NSG2: variants seen among roughly 807,000 people sequenced by gnomAD.
NSG2 encodes the protein neuronal vesicle trafficking associated 2.
In NSG2, 4 loss-of-function variants were observed where a neutral mutation model predicts 16.9. The observed-to-expected ratio is 0.24, with a 90% CI of 0.12 to 0.54. NSG2 has a LOEUF of 0.54. Ranked by LOEUF, NSG2 falls within the 20% of genes least tolerant of loss-of-function variation. The pLI, the probability that NSG2 is intolerant of heterozygous loss-of-function variation, is 0.95. For missense variants in NSG2, 179 were observed against 221.1 expected (o/e 0.81, Z 1.21); for synonymous variants, 98 against 88.7 (o/e 1.11, Z -0.59).
rs575055452 is a variant in NSG2, at chr5:174,080,806, G to A, written c.213+16491G>A. ...TTAAATTCCTGATCTCAGGTGATCC[G>A]CCCGCCTTGGTCTCCCAAAGTGCTA... On this transcript the variant is annotated intron_variant, in intron 3 of 4. Transcript: ENST00000303177. 6.1e-4 allele frequency among the ~76,000 whole-genome samples: 93 copies of A among 152,024 alleles called. 1 individual carries two copies. In the South Asian group the frequency reaches 0.019, roughly 31 times the overall value.
At chr5:174,080,843 G>C (rs1027551234) in intron 3 of NSG2, among the ~76,000 whole-genome samples, 6 of 152,144 alleles carry the variant, frequency 3.9e-5, no homozygotes, top group Non-Finnish European at 8.8e-5. Context: ...GATTACAGAT[G>C]TGAGCCACCA....
Position 174,090,025 on chromosome 5 carries a change from A to G in NSG2, c.214-14203A>G, listed in dbSNP as rs545839180. ...TAAGGCACAGGGTCCCCAGTAAAGC[A>G]TAGCTCGTTACAAGTTTGACTCTGA... On this transcript the variant is annotated intron_variant, in intron 3 of 4. Coordinates refer to ENST00000303177, the MANE Select transcript of NSG2 (RefSeq NM_015980.5). 4.6e-5 allele frequency among the ~76,000 whole-genome samples: 7 copies of G among 152,278 alleles called. No individual in the cohort carries two copies. The South Asian group carries it at 1.5e-3, about 32-fold the overall frequency.
At chr5:174,049,334 T>C (rs529072393) in intron 2 of NSG2, among the ~76,000 whole-genome samples, 16 of 151,554 alleles carry the variant, frequency 1.1e-4, no homozygotes, top group African/African-American at 3.6e-4. Context: ...AGCGAGACAC[T>C]GTCTCAAAAC....
At chr5:174,101,708 G>A (rs925570790) in intron 3 of NSG2, among the ~76,000 whole-genome samples, 3 of 152,138 alleles carry the variant, frequency 2.0e-5, no homozygotes, top group Non-Finnish European at 2.9e-5. Context: ...ATGGAAATTT[G>A]GGCTGTTTCT....
chr5:174,085,979 A>ATAT (rs1377745126), intron 3 of NSG2, among the ~76,000 whole-genome samples: 2 of 152,232 alleles, frequency 1.3e-5, no homozygotes, highest in African/African-American at 2.4e-5. Context: ...TGCTCAATGA[A>ATAT]TATTAGGTCC....
Position 174,107,807 on chromosome 5 carries a change from G to C in NSG2, c.*302G>C, listed in dbSNP as rs1396086738. ...AAAGCCACTGCTTATTCTTTGTTAG[G>C]AAAATGTAACAGCAGAAAAGGAAAG... On this transcript the variant is annotated 3_prime_UTR_variant, in exon 5 of 5. Transcript: ENST00000303177. The surrounding 1 kb of genome is among the most constrained non-coding windows in gnomAD (Gnocchi z 4.5). 8.9e-6 allele frequency: 5 copies of C among 561,998 alleles called. No homozygotes were observed. Among genetic ancestry groups the C allele is most frequent in the Middle Eastern group, 5.4e-4 (2 of 3,704 alleles). The allele number at this position is 561,998 out of a possible 1,614,324, so 34.8% of individuals were successfully genotyped here. A position where few individuals can be genotyped will look rare whatever the true frequency, so the allele number is the denominator to read the frequency against.
intron 3 of NSG2, among the ~76,000 whole-genome samples, chr5:174,088,083 T>C (rs1760661654): frequency 6.6e-6 from 1 of 152,224 alleles, no homozygotes; most frequent in Non-Finnish European, 1.5e-5. Context: ...AGAGGATCTT[T>C]ACAGGAATTC....
At chr5:174,053,042 T>C (rs1759917094) in intron 2 of NSG2, among the ~76,000 whole-genome samples, 1 of 152,176 alleles carries the variant, frequency 6.6e-6, no homozygotes, top group East Asian at 1.9e-4. Context: ...ATGGCATGCT[T>C]TAAATTTTGC....
At position 174,107,287 on chromosome 5, in the gene NSG2, C is replaced by A. The variant is rs750833005; in HGVS notation, c.325-27C>A. The A allele has an allele frequency of 1.3e-6, 2 of 1,527,594 alleles. No individual in the cohort carries two copies. Among genetic ancestry groups the A allele is most frequent in the Admixed American group, 3.9e-5 (2 of 50,640 alleles). 94.6% of individuals were successfully genotyped at this position (1,527,594 alleles called of 1,614,324 possible). ...GGTTGGGAGCAGTTTGCTGAATGAC[C>A]CCTGACTCTGTCTCTTTCTTCCCCA... On this transcript the variant is annotated intron_variant, in intron 4 of 4. Transcript: ENST00000303177. The surrounding 1 kb of genome is among the most constrained non-coding windows in gnomAD (Gnocchi z 4.5).
intron 3 of NSG2, among the ~76,000 whole-genome samples, chr5:174,097,084 T>C (rs1414166623): frequency 6.6e-6 from 1 of 152,064 alleles, no homozygotes; most frequent in African/African-American, 2.4e-5. Context: ...TAGCATCTGT[T>C]GTTATTGTTA....
intron 3 of NSG2, among the ~76,000 whole-genome samples, chr5:174,093,488 T>C (rs2113468343): frequency 6.6e-6 from 1 of 152,346 alleles, no homozygotes; most frequent in South Asian, 2.1e-4. Flanking sequence ...CTAGACCTTC[T>C]GGCTTCGAAG....
chr5:174,069,847 G>A lies in NSG2; in HGVS notation c.213+5532G>A, dbSNP rs1264085130. Among the ~76,000 whole-genome samples the A allele has an allele frequency of 4.0e-5, 6 of 149,296 alleles. No homozygotes were observed. The South Asian group carries it at 8.6e-4, about 21-fold the overall frequency. ...TTCCCACAGTGATTCCTGGAGGCAC[G>A]TGTTTGCTTGTTGGTAAAGGTAGGC... is the stretch of plus-strand genomic sequence containing the variant. On this transcript the variant is annotated intron_variant, in intron 3 of 4. Coordinates refer to ENST00000303177, the MANE Select transcript of NSG2 (RefSeq NM_015980.5).
At chr5:174,068,276 T>C (rs1760176821) in intron 3 of NSG2, among the ~76,000 whole-genome samples, 1 of 152,012 alleles carries the variant, frequency 6.6e-6, no homozygotes, top group Non-Finnish European at 1.5e-5. Context: ...TGGGGAGAGA[T>C]GAATAGAGAA....
intron 2 of NSG2, chr5:174,062,442 A>G (rs974560034): frequency 4.6e-5 from 7 of 152,298 alleles, no homozygotes; most frequent in African/African-American, 1.7e-4. Flanking sequence ...CTGTTTTCCT[A>G]TTCTTTGGCC....
At chr5:174,075,149 AGCCTGT>A (rs1760316327) in intron 3 of NSG2, among the ~76,000 whole-genome samples, 1 of 152,244 alleles carries the variant, frequency 6.6e-6, no homozygotes, top group African/African-American at 2.4e-5. Flanking sequence ...TGTGCCAGAT[AGCCTGT>A]GAGTCATTTC....
At chr5:174,094,531 G>A (rs932978314) in intron 3 of NSG2, among the ~76,000 whole-genome samples, 3 of 152,188 alleles carry the variant, frequency 2.0e-5, no homozygotes, top group Non-Finnish European at 2.9e-5. Flanking sequence ...AAGCAGAAGC[G>A]AGATTGACTC....
At position 174,064,314 on chromosome 5, in the gene NSG2, C is replaced by T. The variant is rs777243119; in HGVS notation, c.212C>T (p.Thr71Met). The T allele has an allele frequency of 2.8e-5, 45 of 1,608,214 alleles. No homozygotes were observed. The highest frequency in any genetic ancestry group is 3.4e-5 in the Non-Finnish European group (40 of 1,175,726). The stretch of plus-strand genomic sequence containing the variant: ...CGGGTGCCGAAAATCGCTGAATTTA[C>T]GGTCAGTTTCTTGATGGTGTAATAG... ...KFRVPKIAEF[T>M]VTILVSLALA... The change falls in exon 3 of 5, where the codon ACG becomes ATG. Residue 71 changes from threonine (T) to methionine (M), a missense_variant and splice_region_variant. Thr to Met is a moderately conservative substitution (Grantham distance 81). Coordinates refer to ENST00000303177, the MANE Select transcript of NSG2 (RefSeq NM_015980.5).
chr5:174,099,691 C>T (rs1174236806), intron 3 of NSG2, among the ~76,000 whole-genome samples: 1 of 152,174 alleles, frequency 6.6e-6, no homozygotes, highest in Non-Finnish European at 1.5e-5. Context: ...CTAGAACAGC[C>T]TGTGTGCTCT....
At chr5:174,095,567 T>A (rs1399383484) in intron 3 of NSG2, among the ~76,000 whole-genome samples, 1 of 152,210 alleles carries the variant, frequency 6.6e-6, no homozygotes, top group Admixed American at 6.5e-5. Flanking sequence ...ATTCAGGGCC[T>A]GCCTGCATAA....
Sources: gnomAD v4.1 joint callset for allele counts (sites outside exome capture counted in the v4.1 genomes callset) on GRCh38, gnomAD v4.1.1 for gene constraint, Gnocchi (gnomAD v3.1) non-coding constraint, MANE v1.5 for transcripts, NCBI Gene and HGNC (gene_info 2026-07-23, HGNC 2026-07-21) for gene names.